The following RANBP3L variants were observed in gnomAD, a reference collection of about 807,000 sequenced individuals.
RANBP3L encodes the protein ran-binding protein 3-like.
A neutral mutation model predicts 67.2 loss-of-function variants in RANBP3L; 56 were observed. That is an observed-to-expected ratio of 0.83 (90% CI 0.67 to 1.04). The LOEUF is 1.04. Ranked by LOEUF, RANBP3L falls within the 50% of genes least tolerant of loss-of-function variation. RANBP3L has a pLI of 0.00. For synonymous variants in RANBP3L, 164 were observed against 181.4 expected (o/e 0.90, Z 0.77); for missense variants, 496 against 535.5 (o/e 0.93, Z 0.73).
At chr5:36,290,327 A>C (rs926030458) in intron 1 of RANBP3L, among the ~76,000 whole-genome samples, 13 of 150,126 alleles carry the variant, frequency 8.7e-5, no homozygotes, top group African/African-American at 2.7e-4. Flanking sequence ...AGCAATTCTC[A>C]TGCCTCAGCC....
intron 8 of RANBP3L, 40 bp from the exon 9 acceptor site, chr5:36,257,596 G>T: frequency 1.1e-6 from 1 of 951,536 alleles, no homozygotes; most frequent in Non-Finnish European, 1.6e-6. Context: ...TTTAATAAAA[G>T]TTTTAATTTT....
At chr5:36,288,726 G>A (rs867777916) in intron 1 of RANBP3L, among the ~76,000 whole-genome samples, 4 of 152,078 alleles carry the variant, frequency 2.6e-5, no homozygotes, top group Admixed American at 1.3e-4. Context: ...AACTGATAAC[G>A]TTGAACATCT....
At chr5:36,267,755 T>C (rs2111852134) in intron 4 of RANBP3L, among the ~76,000 whole-genome samples, 1 of 152,298 alleles carries the variant, frequency 6.6e-6, no homozygotes, top group Non-Finnish European at 1.5e-5. Context: ...ACATTATAAA[T>C]TTCAAGTAAA....
rs753288741 is a variant in RANBP3L, at chr5:36,253,780, T to C, written c.1034A>G (p.Asn345Ser). ...GTLQSRLIMR[N>S]QGSLRLILNS... ...GAGGATCAGCCTTAGACTGCCTTGA[T>C]TGCGCATAACTAAAATAGGAAGGTG... Residue 345 changes from asparagine to serine, a missense_variant, in exon 12 of 14, where the codon AAT becomes AGT. Transcript: ENST00000296604. 11 of 1,612,616 alleles carry C rather than the reference T, an allele frequency of 6.8e-6. No homozygotes were observed. Among genetic ancestry groups the C allele is most frequent in the Middle Eastern group, 1.6e-4 (1 of 6,074 alleles).
In RANBP3L at chr5:36,283,400, CAA is replaced by C. The variant is rs5867311; in HGVS notation, c.92-12091_92-12090del. Among the ~76,000 whole-genome samples the C allele has an allele frequency of 1.0e-4, 15 of 143,268 alleles. No homozygotes were observed. In the East Asian group the frequency reaches 1.1e-3, roughly 10 times the overall value. The allele number at this position is 143,268 out of a possible 152,430, so 94.0% of individuals were successfully genotyped here. ...TCAGTTTTCAAAATGAAAAATGTTA[CAA>C]AAAAAAAAAAACACCAAAATTTTAA... On this transcript the variant is annotated intron_variant, in intron 1 of 13. Transcript: ENST00000296604.
chr5:36,269,345 G>A (rs1247698749), intron 4 of RANBP3L, 45 bp downstream of exon 4: 21 of 1,135,450 alleles, frequency 1.8e-5, no homozygotes, highest in Non-Finnish European at 2.4e-5. Context: ...TTTGCATTCA[G>A]AATAAACATA....
intron 12 of RANBP3L, among the ~76,000 whole-genome samples, chr5:36,252,744 G>C (rs930416971): frequency 1.9e-4 from 29 of 152,100 alleles, no homozygotes; most frequent in African/African-American, 6.8e-4. Flanking sequence ...ATCTGGCCCA[G>C]ACGACTGGCA....
chr5:36,290,937 G>C (rs1439746157), intron 1 of RANBP3L, among the ~76,000 whole-genome samples: 2 of 147,166 alleles, frequency 1.4e-5, no homozygotes, highest in African/African-American at 5.1e-5. Flanking sequence ...GTAGAGACAG[G>C]GTTTCACCAT....
chr5:36,258,067 C>T (rs1454551010), intron 8 of RANBP3L, among the ~76,000 whole-genome samples: 2 of 152,002 alleles, frequency 1.3e-5, no homozygotes, highest in Admixed American at 6.6e-5. Flanking sequence ...TCTTGCTATC[C>T]ACTTTATGGA....
Position 36,257,016 on chromosome 5 carries a change from G to T in RANBP3L, c.828C>A (p.Ser276=). 6.2e-7 allele frequency: 1 copy of T among 1,612,442 alleles called. No individual in the cohort carries two copies. Residue 276 remains serine (S), a synonymous_variant, in exon 10 of 14, where the codon TCC becomes TCA. Coordinates refer to ENST00000296604, the MANE Select transcript of RANBP3L (RefSeq NM_145000.5). ...CCAGCAAGCATTTTCGTGATGGTTG[G>T]GAAGAGAATGCAGCAGCTGATTCAA... ...SLIESAAAFS[S]QPSRKCLLEK...
intron 1 of RANBP3L, among the ~76,000 whole-genome samples, chr5:36,279,796 A>G (rs540219639): frequency 6.6e-6 from 1 of 152,188 alleles, no homozygotes; most frequent in East Asian, 1.9e-4. Flanking sequence ...TAAACTGCCA[A>G]CTCTGGGAAA....
At chr5:36,261,815 C>A in intron 7 of RANBP3L, 124 bp downstream of exon 7, 3 of 506,342 alleles carry the variant, frequency 5.9e-6, no homozygotes, top group Admixed American at 6.5e-5. Context: ...ATAAAATCTC[C>A]TTTCAAATGG....
chr5:36,271,070 C>T (rs537098133), intron 2 of RANBP3L, among the ~76,000 whole-genome samples, 183 bp downstream of exon 2: 1 of 152,266 alleles, frequency 6.6e-6, no homozygotes. Context: ...AGGCCTCTGG[C>T]TTCCCATTCC....
At chr5:36,283,026 G>T (rs184304057) in intron 1 of RANBP3L, among the ~76,000 whole-genome samples, 1 of 152,092 alleles carries the variant, frequency 6.6e-6, no homozygotes, top group Admixed American at 6.5e-5. Context: ...GCAGAGAAAA[G>T]TTTTTACTTT....
intron 1 of RANBP3L, among the ~76,000 whole-genome samples, chr5:36,296,249 G>A (rs1752207670): frequency 6.6e-6 from 1 of 152,136 alleles, no homozygotes; most frequent in Admixed American, 6.5e-5. Flanking sequence ...ATTTGTAATT[G>A]TCCTGGCAGA....
chr5:36,263,717 G>A (rs1354128492), intron 6 of RANBP3L, among the ~76,000 whole-genome samples: 1 of 152,160 alleles, frequency 6.6e-6, no homozygotes, highest in African/African-American at 2.4e-5. Context: ...TGTAAAGACA[G>A]TGTTTTACTA....
intron 6 of RANBP3L, among the ~76,000 whole-genome samples, chr5:36,262,443 G>T (rs1749464724): frequency 6.6e-6 from 1 of 152,106 alleles, no homozygotes; most frequent in African/African-American, 2.4e-5. Context: ...CCCTAAGAAT[G>T]TCACCATCCT....
chr5:36,275,191 A>C (rs1037522087), intron 1 of RANBP3L, among the ~76,000 whole-genome samples: 1 of 152,192 alleles, frequency 6.6e-6, no homozygotes, highest in African/African-American at 2.4e-5. Context: ...ATTCTGCTCC[A>C]CAAGGGAGGT....
At chr5:36,257,363 A>C (rs1336272434) in intron 9 of RANBP3L, 91 bp downstream of exon 9, 1 of 477,752 alleles carries the variant, frequency 2.1e-6, no homozygotes, top group African/African-American at 2.0e-5. Flanking sequence ...GTAAATATTA[A>C]TTTTACTTAT....
Sources: gnomAD v4.1 joint callset for allele counts (sites outside exome capture counted in the v4.1 genomes callset) on GRCh38, gnomAD v4.1.1 for gene constraint, MANE v1.5 for transcripts, NCBI Gene and HGNC (gene_info 2026-07-23, HGNC 2026-07-21) for gene names.